The following SMOC2 variants were observed in gnomAD, a reference collection of about 807,000 sequenced individuals.
SMOC2 encodes the protein SPARC related modular calcium binding 2.
In SMOC2, 39 loss-of-function variants were observed where a neutral mutation model predicts 61.4. That is an observed-to-expected ratio of 0.64 (90% CI 0.49 to 0.83). The LOEUF (loss-of-function observed/expected upper bound fraction) is 0.83. Ranked by LOEUF, SMOC2 falls within the 40% of genes least tolerant of loss-of-function variation. The pLI, the probability that SMOC2 is intolerant of heterozygous loss-of-function variation, is 0.00. For synonymous variants in SMOC2, 247 were observed against 239.9 expected (o/e 1.03, Z -0.27); for missense variants, 556 against 592.9 (o/e 0.94, Z 0.65).
In SMOC2 at chr6:168,615,287, G is replaced by T. The variant is rs1287669623; in HGVS notation, c.907+7048G>T. ...TTTTCACACCTACAGCCAGCATGGGGCCTCTTCACACCTACAGCCAGCACG... is the reference window on the plus strand; with the variant it reads ...TTTTCACACCTACAGCCAGCATGGGTCCTCTTCACACCTACAGCCAGCACG... On this transcript the variant is annotated intron_variant, in intron 9 of 12. Transcript: ENST00000356284. Among the ~76,000 whole-genome samples the T allele has an allele frequency of 3.5e-5, 3 of 85,956 alleles. 1 individual carries two copies. Among genetic ancestry groups the T allele is most frequent in the African/African-American group, 1.4e-4 (3 of 21,112 alleles). The allele number at this position is 85,956 out of a possible 152,430, so 56.4% of individuals were successfully genotyped here. A position where few individuals can be genotyped will look rare whatever the true frequency, so the allele number is the denominator to read the frequency against.
At chr6:168,517,813 T>C (rs983873025) in intron 2 of SMOC2, among the ~76,000 whole-genome samples, 1 of 151,754 alleles carries the variant, frequency 6.6e-6, no homozygotes, top group Non-Finnish European at 1.5e-5. Flanking sequence ...GGGGGTGAAA[T>C]GCAGGGGCCT....
chr6:168,652,347 G>A (rs937939241), intron 10 of SMOC2, among the ~76,000 whole-genome samples: 1 of 152,158 alleles, frequency 6.6e-6, no homozygotes, highest in African/African-American at 2.4e-5. Context: ...GAATCCAGGG[G>A]CCAGCACCTC....
At chr6:168,532,052 T>G (rs1369007346) in intron 4 of SMOC2, among the ~76,000 whole-genome samples, 1 of 152,216 alleles carries the variant, frequency 6.6e-6, no homozygotes, top group Non-Finnish European at 1.5e-5. Context: ...TCTGCGCTGC[T>G]GAGAGCAGGT....
intron 11 of SMOC2, 133 bp from the exon 12 acceptor site, chr6:168,663,941 T>A (rs528505094): frequency 4.0e-5 from 28 of 704,902 alleles, no homozygotes; most frequent in South Asian, 3.0e-4. Flanking sequence ...ATGTGGTTTT[T>A]TTCATATAAA....
chr6:168,472,746 C>T (rs562494328), intron 1 of SMOC2, among the ~76,000 whole-genome samples: 1 of 152,224 alleles, frequency 6.6e-6, no homozygotes, highest in African/African-American at 2.4e-5. Flanking sequence ...ATAATTAGGA[C>T]ACATTGCAGA....
intron 1 of SMOC2, among the ~76,000 whole-genome samples, chr6:168,467,770 C>T (rs935004119): frequency 3.3e-4 from 50 of 152,090 alleles, no homozygotes; most frequent in Non-Finnish European, 1.0e-4. Flanking sequence ...AAAGCCATAC[C>T]AAATTATATT....
chr6:168,494,972 G>A (rs980140294), intron 1 of SMOC2, among the ~76,000 whole-genome samples: 6 of 152,188 alleles, frequency 3.9e-5, no homozygotes, highest in Admixed American at 1.3e-4. Flanking sequence ...CACCTCGCTC[G>A]GCCTTGCCCC....
chr6:168,638,235 T>TATC (rs138702633), intron 9 of SMOC2, among the ~76,000 whole-genome samples: 54,625 of 152,036 alleles, frequency 0.36, 10,076 homozygotes, highest in East Asian at 0.42. Context: ...ATAATGTTGT[T>TATC]ATTGTTATTA....
At chr6:168,605,405 A>G (rs536708871) in intron 8 of SMOC2, among the ~76,000 whole-genome samples, 1 of 152,280 alleles carries the variant, frequency 6.6e-6, no homozygotes, top group South Asian at 2.1e-4. Flanking sequence ...GTTTTTCCTT[A>G]TACAAATAAG....
chr6:168,566,643 G>A (rs1045404889), intron 7 of SMOC2, among the ~76,000 whole-genome samples: 5 of 151,818 alleles, frequency 3.3e-5, no homozygotes, highest in Non-Finnish European at 7.4e-5. Flanking sequence ...CACCACACCC[G>A]GCCAATTTTT....
intron 8 of SMOC2, among the ~76,000 whole-genome samples, chr6:168,603,997 C>T (rs1394076698): frequency 6.6e-6 from 1 of 152,226 alleles, no homozygotes; most frequent in East Asian, 1.9e-4. Flanking sequence ...CCAGAGATGG[C>T]ATGATCTCCC....
chr6:168,448,650 T>C (rs1262633456), intron 1 of SMOC2, among the ~76,000 whole-genome samples: 1 of 151,918 alleles, frequency 6.6e-6, no homozygotes, highest in Non-Finnish European at 1.5e-5. Context: ...GGGAGGAGGA[T>C]GGTGCTGGCT....
At chr6:168,583,715 G>C (rs900159674) in intron 7 of SMOC2, among the ~76,000 whole-genome samples, 1 of 152,224 alleles carries the variant, frequency 6.6e-6, no homozygotes, top group Non-Finnish European at 1.5e-5. Context: ...TGAGTTCACA[G>C]GCTTGGGCCC....
intron 4 of SMOC2, among the ~76,000 whole-genome samples, chr6:168,528,342 T>G (rs1186758349): frequency 6.7e-6 from 1 of 149,836 alleles, no homozygotes; most frequent in Non-Finnish European, 1.5e-5. Flanking sequence ...CAGCCCAAGT[T>G]TGATTAATTT....
chr6:168,522,143 G>A (rs555446504), intron 2 of SMOC2, among the ~76,000 whole-genome samples: 7 of 152,200 alleles, frequency 4.6e-5, no homozygotes, highest in African/African-American at 1.4e-4. Context: ...ATAATACTAT[G>A]AGCCAAAGTA....
chr6:168,519,268 T>C (rs1783266525), intron 2 of SMOC2, among the ~76,000 whole-genome samples: 1 of 152,112 alleles, frequency 6.6e-6, no homozygotes, highest in African/African-American at 2.4e-5. Context: ...TGCGTGCATG[T>C]GTGAGTGAGC....
intron 7 of SMOC2, among the ~76,000 whole-genome samples, chr6:168,588,748 C>A (rs112678971): frequency 6.6e-6 from 1 of 152,154 alleles, no homozygotes; most frequent in Non-Finnish European, 1.5e-5. Flanking sequence ...ATGACTACTA[C>A]AGACTTAAAT....
intron 7 of SMOC2, among the ~76,000 whole-genome samples, chr6:168,595,198 G>GTT (rs1785292624): frequency 2.7e-5 from 1 of 36,394 alleles, no homozygotes; most frequent in Non-Finnish European, 6.1e-5. Flanking sequence ...GCCTCACGAG[G>GTT]GGCATCTTTC....
chr6:168,479,183 G>A (rs915182015), intron 1 of SMOC2, among the ~76,000 whole-genome samples: 2 of 151,994 alleles, frequency 1.3e-5, no homozygotes, highest in Non-Finnish European at 2.9e-5. Context: ...AGTCAGTAAC[G>A]TTGAATGATT....
Sources: gnomAD v4.1 joint callset for allele counts (sites outside exome capture counted in the v4.1 genomes callset) on GRCh38, gnomAD v4.1.1 for gene constraint, MANE v1.5 for transcripts, NCBI Gene and HGNC (gene_info 2026-07-23, HGNC 2026-07-21) for gene names.